The following NAALADL2 variants were observed in gnomAD, a reference collection of about 807,000 sequenced individuals.
NAALADL2 encodes the protein N-acetylated alpha-linked acidic dipeptidase like 2.
NAALADL2 carries 76 observed loss-of-function variants against 87.2 expected under a neutral mutation model. The observed-to-expected ratio is 0.87, with a 90% CI of 0.72 to 1.05. NAALADL2 has a LOEUF of 1.05. NAALADL2 is among the 50% of genes least tolerant of loss of function. The pLI, the probability that NAALADL2 is intolerant of heterozygous loss-of-function variation, is 0.00. For synonymous variants in NAALADL2, 354 were observed against 331.0 expected (o/e 1.07, Z -0.75); for missense variants, 1,089 against 945.8 (o/e 1.15, Z -1.99).
chr3:175,138,898 ATAT>A, intron 2 of NAALADL2, among the ~76,000 whole-genome samples: 1 of 120,682 alleles, frequency 8.3e-6, no homozygotes, highest in Non-Finnish European at 1.9e-5. Flanking sequence ...ATATATATAT[ATAT>A]ATATATATAT....
intron 11 of NAALADL2, among the ~76,000 whole-genome samples, chr3:175,690,142 A>G (rs1168661902): frequency 3.3e-5 from 5 of 152,038 alleles, no homozygotes; most frequent in African/African-American, 1.2e-4. Flanking sequence ...GCCACCTGGG[A>G]GAGTTTTTAT....
intron 9 of NAALADL2, among the ~76,000 whole-genome samples, chr3:175,552,630 T>C (rs1011958034): frequency 2.6e-5 from 4 of 152,170 alleles, no homozygotes; most frequent in African/African-American, 9.6e-5. Flanking sequence ...TACAGTGCTA[T>C]GTTGGAAGCT....
chr3:175,428,175 C>T (rs1717139861), intron 5 of NAALADL2, among the ~76,000 whole-genome samples: 1 of 151,996 alleles, frequency 6.6e-6, no homozygotes, highest in Admixed American at 6.6e-5. Flanking sequence ...AAAAAACTAC[C>T]TGAGTACTTG....
chr3:175,591,636 T>C (rs534068930), intron 10 of NAALADL2, among the ~76,000 whole-genome samples: 1 of 151,982 alleles, frequency 6.6e-6, no homozygotes, highest in South Asian at 2.1e-4. Flanking sequence ...ACAATAAAAG[T>C]AAAGTGAAGT....
At position 175,787,667 on chromosome 3, in the gene NAALADL2, G is replaced by A. The variant is rs868068641; in HGVS notation, c.2190-15338G>A. On this transcript the variant is annotated intron_variant, in intron 13 of 13. Transcript: ENST00000454872. ...TCAGATGGAAATGCAGAAATCACCC[G>A]TCTTCTGCGTCGCTCACGCTGGGAG... 6.3e-4 allele frequency among the ~76,000 whole-genome samples: 96 copies of A among 152,206 alleles called. No individual in the cohort carries two copies. The Middle Eastern group carries it at 0.014, about 22-fold the overall frequency.
At chr3:175,600,784 G>T (rs1002331164) in intron 10 of NAALADL2, among the ~76,000 whole-genome samples, 2 of 151,848 alleles carry the variant, frequency 1.3e-5, no homozygotes, top group African/African-American at 2.4e-5. Context: ...TGATCCGCCC[G>T]CCTCGGCCTC....
intron 1 of NAALADL2, among the ~76,000 whole-genome samples, chr3:174,889,947 G>C (rs1448160797): frequency 6.6e-6 from 1 of 152,166 alleles, no homozygotes; most frequent in Non-Finnish European, 1.5e-5. Flanking sequence ...TCAGATGTGA[G>C]TGTGTGAATT....
chr3:175,078,973 G>C (rs1354205564), intron 1 of NAALADL2, among the ~76,000 whole-genome samples: 1 of 152,150 alleles, frequency 6.6e-6, no homozygotes, highest in African/African-American at 2.4e-5. Flanking sequence ...GGATCATATA[G>C]TAACACAATG....
intron 11 of NAALADL2, among the ~76,000 whole-genome samples, chr3:175,660,110 C>CTAG (rs1222863674): frequency 2.0e-5 from 3 of 152,170 alleles, no homozygotes; most frequent in Non-Finnish European, 1.5e-5. Flanking sequence ...GCCAACAAGC[C>CTAG]TCTAGGCCTC....
At chr3:175,333,760 A>G (rs1761677722) in intron 5 of NAALADL2, among the ~76,000 whole-genome samples, 1 of 152,162 alleles carries the variant, frequency 6.6e-6, no homozygotes, top group Admixed American at 6.5e-5. Context: ...TCTAACATTC[A>G]GTATCAGTGT....
intron 9 of NAALADL2, among the ~76,000 whole-genome samples, chr3:175,529,653 T>C (rs940658428): frequency 6.6e-6 from 1 of 152,178 alleles, no homozygotes; most frequent in African/African-American, 2.4e-5. Context: ...TGCTTCAGGA[T>C]GATGGTGAAC....
chr3:175,434,383 T>G (rs1581867530), intron 5 of NAALADL2, among the ~76,000 whole-genome samples: 2 of 152,154 alleles, frequency 1.3e-5, no homozygotes, highest in East Asian at 3.9e-4. Context: ...AGTCTTCTTT[T>G]CTTGTGTCAA....
chr3:174,701,675 T>A (rs958153143), intron 2 of NAALADL2, among the ~76,000 whole-genome samples: 1 of 119,500 alleles, frequency 8.4e-6, no homozygotes, highest in Non-Finnish European at 1.8e-5. Context: ...TCTGTCACTA[T>A]AGATAAGAAT....
At chr3:175,537,535 A>G (rs187171859) in intron 9 of NAALADL2, among the ~76,000 whole-genome samples, 1 of 152,210 alleles carries the variant, frequency 6.6e-6, no homozygotes, top group South Asian at 2.1e-4. Context: ...ATTAACAAAT[A>G]TAAAATGAGA....
intron 1 of NAALADL2, among the ~76,000 whole-genome samples, chr3:174,943,550 C>T (rs1470333378): frequency 1.3e-5 from 2 of 152,220 alleles, no homozygotes; most frequent in Non-Finnish European, 2.9e-5. Context: ...GTTTATGTTC[C>T]TTCCCCAACT....
At chr3:175,533,301 G>T (rs1734349828) in intron 9 of NAALADL2, among the ~76,000 whole-genome samples, 1 of 152,166 alleles carries the variant, frequency 6.6e-6, no homozygotes, top group Non-Finnish European at 1.5e-5. Flanking sequence ...CTCCTCATGG[G>T]TCACACAATC....
At chr3:174,775,158 T>C (rs1223356543) in intron 3 of NAALADL2, among the ~76,000 whole-genome samples, 2 of 152,128 alleles carry the variant, frequency 1.3e-5, no homozygotes, top group African/African-American at 2.4e-5. Context: ...TTATATAATA[T>C]GATATTCATG....
intron 1 of NAALADL2, among the ~76,000 whole-genome samples, chr3:174,974,961 T>G (rs1380681355): frequency 4.6e-5 from 7 of 152,154 alleles, no homozygotes; most frequent in Admixed American, 4.6e-4. Context: ...TTTTTGAAAT[T>G]TTGCTAATTT....
rs548365312 is a variant in NAALADL2 at position 174,611,743 on chromosome 3, G to A, written c.-115+61106G>A. Reference sequence around the variant, plus strand: ...CTAGCTGGGATTACAGGTGCATGCCGCCACGCCTGGCTAATTTTTGTATTT... The same window carrying A: ...CTAGCTGGGATTACAGGTGCATGCCACCACGCCTGGCTAATTTTTGTATTT... On this transcript the variant is annotated intron_variant, in intron 2 of 3. Coordinates refer to the NAALADL2 transcript ENST00000434257. Among the ~76,000 whole-genome samples, 19 of 151,132 alleles carry A rather than the reference G, an allele frequency of 1.3e-4. No individual in the cohort carries two copies. In the South Asian group the frequency reaches 1.9e-3, roughly 15 times the overall value.
Sources: allele counts gnomAD v4.1 joint callset (sites outside exome capture counted in the v4.1 genomes callset), GRCh38; gene constraint gnomAD v4.1.1; transcripts MANE v1.5; gene names NCBI Gene and HGNC (gene_info 2026-07-23, HGNC 2026-07-21).